Variants in ABLIM3 observed in about 807,000 individuals in gnomAD.
ABLIM3 encodes the protein actin binding LIM protein family member 3.
A neutral mutation model predicts 109.5 loss-of-function variants in ABLIM3; 61 were observed. That is an observed-to-expected ratio of 0.56 (90% CI 0.45 to 0.69). The LOEUF (loss-of-function observed/expected upper bound fraction) is 0.69. Ranked by LOEUF, ABLIM3 falls within the 30% of genes least tolerant of loss-of-function variation. ABLIM3 has a pLI of 0.00. For missense variants in ABLIM3, 796 were observed against 889.5 expected, an observed-to-expected ratio of 0.89 and a Z score of 1.34; for synonymous variants, 300 against 324.8, an observed-to-expected ratio of 0.92 and a Z score of 0.82.
chr5:149,247,339 T>C (rs1005836024), intron 17 of ABLIM3, among the ~76,000 whole-genome samples: 1 of 152,114 alleles, frequency 6.6e-6, no homozygotes, highest in African/African-American at 2.4e-5. Flanking sequence ...GGGATCTCCT[T>C]TGGGGGAAAT....
At chr5:149,225,106 C>T (rs1387694692) in intron 8 of ABLIM3, among the ~76,000 whole-genome samples, 1 of 152,072 alleles carries the variant, frequency 6.6e-6, no homozygotes, top group Admixed American at 6.5e-5. Context: ...TCTACAGAAG[C>T]AATTCACCTG....
At chr5:149,242,108 G>T (rs149434267) in intron 14 of ABLIM3, among the ~76,000 whole-genome samples, 1 of 152,260 alleles carries the variant, frequency 6.6e-6, no homozygotes, top group African/African-American at 2.4e-5. Context: ...CTGAAATTCG[G>T]CTGCAGCATC....
At chr5:149,234,316 C>G (rs1249333276) in intron 10 of ABLIM3, among the ~76,000 whole-genome samples, 1 of 152,216 alleles carries the variant, frequency 6.6e-6, no homozygotes, top group Non-Finnish European at 1.5e-5. Flanking sequence ...CTGATTGACT[C>G]TGGACTGTTC....
At chr5:149,160,772 G>T (rs1193824903) in intron 2 of ABLIM3, among the ~76,000 whole-genome samples, 1 of 152,202 alleles carries the variant, frequency 6.6e-6, no homozygotes, top group African/African-American at 2.4e-5. Flanking sequence ...TGGCCCATCT[G>T]TTGGGCTGTA....
At chr5:149,220,516 G>A (rs562838585) in intron 8 of ABLIM3, 1 of 152,262 alleles carries the variant, frequency 6.6e-6, no homozygotes, top group African/African-American at 2.4e-5. Flanking sequence ...GGAATGAGGG[G>A]GACCAGGCCA....
intron 3 of ABLIM3, among the ~76,000 whole-genome samples, chr5:149,189,485 TA>T (rs1581086533): frequency 6.6e-6 from 1 of 152,178 alleles, no homozygotes; most frequent in African/African-American, 2.4e-5. Flanking sequence ...CTCAGCTATG[TA>T]AAGAATTCTT....
At chr5:149,173,818 G>A (rs1216016633) in intron 2 of ABLIM3, among the ~76,000 whole-genome samples, 6 of 152,034 alleles carry the variant, frequency 3.9e-5, no homozygotes, top group African/African-American at 1.2e-4. Flanking sequence ...TCAGGAGATC[G>A]AGACCATCAT....
intron 16 of ABLIM3, among the ~76,000 whole-genome samples, chr5:149,245,920 T>C (rs1020166286): frequency 6.6e-6 from 1 of 152,210 alleles, no homozygotes; most frequent in Admixed American, 6.5e-5. Flanking sequence ...CCCAGCACTT[T>C]GGGAGGCCAA....
At chr5:149,225,420 T>C (rs1451988152) in intron 8 of ABLIM3, among the ~76,000 whole-genome samples, 2 of 152,248 alleles carry the variant, frequency 1.3e-5, no homozygotes, top group Non-Finnish European at 2.9e-5. Context: ...ATATGTTCTT[T>C]TGTGACTGGC....
At chr5:149,145,565 C>T (rs760192265) in intron 2 of ABLIM3, among the ~76,000 whole-genome samples, 14 of 152,130 alleles carry the variant, frequency 9.2e-5, no homozygotes, top group Non-Finnish European at 1.8e-4. Context: ...GAGAATTCTC[C>T]AAATTGCTTT....
At chr5:149,246,994 A>G (rs1167272446) in intron 17 of ABLIM3, among the ~76,000 whole-genome samples, 1 of 152,276 alleles carries the variant, frequency 6.6e-6, no homozygotes, top group African/African-American at 2.4e-5. Flanking sequence ...ACAAATACAT[A>G]TATACTCATA....
intron 8 of ABLIM3, chr5:149,220,949 G>C (rs1350571732): frequency 6.6e-6 from 1 of 152,230 alleles, no homozygotes; most frequent in Non-Finnish European, 1.5e-5. Context: ...TCTGGAAAGA[G>C]AAACCAACAG....
intron 2 of ABLIM3, among the ~76,000 whole-genome samples, chr5:149,171,379 A>G (rs1366492945): frequency 1.3e-5 from 2 of 152,184 alleles, no homozygotes; most frequent in Non-Finnish European, 2.9e-5. Context: ...CTTTATGTAT[A>G]TTGCATCTTA....
Position 149,207,074 on chromosome 5 carries a change from A to C in ABLIM3, c.515A>C (p.His172Pro). The C allele has an allele frequency of 6.2e-7, 1 of 1,614,044 alleles. No homozygotes were observed. Among genetic ancestry groups the C allele is most frequent in the Non-Finnish European group, 8.5e-7 (1 of 1,179,974 alleles). Residue 172 changes from histidine to proline, a missense_variant, in exon 6 of 24, where the codon CAC (histidine) becomes CCC (proline). His to Pro is a moderately conservative substitution (Grantham distance 77). Transcript: ENST00000309868. ...CTCCTGGCTCTGGACAAGCAGTGGC[A>C]CGTCAGCTGCTTCAAGTGCCAGACC... ...QSLLALDKQWHVSCFKCQTCS... is the reference protein window; with the variant it reads ...QSLLALDKQWPVSCFKCQTCS...
chr5:149,257,043 G>A lies in ABLIM3; in HGVS notation c.1939-1248G>A, dbSNP rs182209994. Among the ~76,000 whole-genome samples the A allele has an allele frequency of 2.1e-3, 319 of 152,334 alleles. 5 individuals carry two copies. Among genetic ancestry groups the A allele is most frequent in the African/African-American group, 7.0e-3 (290 of 41,584 alleles). On this transcript the variant is annotated intron_variant, in intron 23 of 23. Transcript: ENST00000309868. ...CACATGGCCATGCGCCGTGGCTTAC[G>A]CCTGTAATCCCAGCACTTTGAGAGG... is the stretch of plus-strand genomic sequence containing the variant.
intron 2 of ABLIM3, among the ~76,000 whole-genome samples, chr5:149,158,117 A>G (rs929125388): frequency 2.6e-5 from 4 of 152,336 alleles, no homozygotes; most frequent in Non-Finnish European, 5.9e-5. Flanking sequence ...AAACATTCTT[A>G]TAATTACAGG....
At chr5:149,243,480 A>G (rs1446175438) in intron 15 of ABLIM3, 1 of 152,208 alleles carries the variant, frequency 6.6e-6, no homozygotes, top group Non-Finnish European at 1.5e-5. Context: ...GAGCTTGGAG[A>G]TGAGCGAAGC....
intron 5 of ABLIM3, among the ~76,000 whole-genome samples, chr5:149,202,315 A>G (rs570033794): frequency 1.3e-5 from 2 of 152,386 alleles, no homozygotes; most frequent in East Asian, 3.9e-4. Flanking sequence ...AAGTGAGTCA[A>G]GAGGAGCAAA....
At chr5:149,245,277 C>A (rs1029348814) in intron 16 of ABLIM3, among the ~76,000 whole-genome samples, 2 of 152,190 alleles carry the variant, frequency 1.3e-5, no homozygotes, top group Admixed American at 1.3e-4. Context: ...GGAGGTGATG[C>A]GCAGAAGGTA....
Sources: gnomAD v4.1 joint callset for allele counts (sites outside exome capture counted in the v4.1 genomes callset) on GRCh38, gnomAD v4.1.1 for gene constraint, MANE v1.5 for transcripts, NCBI Gene and HGNC (gene_info 2026-07-23, HGNC 2026-07-21) for gene names.